MCF2: variants seen among roughly 807,000 people sequenced by gnomAD.
MCF2 encodes MCF.2 cell line derived transforming sequence.
MCF2 carries 44 observed loss-of-function variants against 82.5 expected under a neutral mutation model. The observed-to-expected ratio is 0.53, with a 90% CI of 0.42 to 0.69. The LOEUF is 0.69. Ranked by LOEUF, MCF2 falls within the 30% of genes least tolerant of loss-of-function variation. The pLI, the probability that MCF2 is intolerant of heterozygous loss-of-function variation, is 0.00. For missense variants in MCF2, 623 were observed against 663.1 expected, an observed-to-expected ratio of 0.94 and a Z score of 0.66; for synonymous variants, 217 against 224.9, an observed-to-expected ratio of 0.96 and a Z score of 0.32.
intron 1 of MCF2, among the ~76,000 whole-genome samples, chrX:139,663,533 T>C (rs1286647065): frequency 9.0e-6 from 1 of 110,658 alleles, no homozygotes; most frequent in Non-Finnish European, 1.9e-5. Context: ...TACATATTAT[T>C]TAATCACCCA....
intron 7 of MCF2, among the ~76,000 whole-genome samples, chrX:139,618,585 G>A (rs1269858156): frequency 9.0e-6 from 1 of 111,069 alleles, no homozygotes; most frequent in African/African-American, 3.3e-5. Flanking sequence ...CTATACCATA[G>A]GGCTATGTAA....
intron 1 of MCF2, among the ~76,000 whole-genome samples, chrX:139,685,098 C>A (rs369045563): frequency 1.8e-5 from 2 of 111,122 alleles, no homozygotes; most frequent in African/African-American, 3.3e-5. Flanking sequence ...TAGAATAAGA[C>A]AAGGATGTCC....
intron 15 of MCF2, among the ~76,000 whole-genome samples, 166 bp from the exon 20 acceptor site, chrX:139,602,664 T>A (rs917960369): frequency 8.9e-6 from 1 of 112,449 alleles, no homozygotes; most frequent in African/African-American, 3.2e-5. Flanking sequence ...AAGAACAGCA[T>A]GCCCATTGCA....
intron 1 of MCF2, among the ~76,000 whole-genome samples, chrX:139,694,549 G>T (rs1018745956): frequency 9.0e-6 from 1 of 111,429 alleles, no homozygotes; most frequent in Non-Finnish European, 1.9e-5. Flanking sequence ...GAAAACCCTT[G>T]CATCTAAGGT....
At chrX:139,671,911 G>T (rs183481135) in intron 1 of MCF2, among the ~76,000 whole-genome samples, 3 of 111,574 alleles carry the variant, frequency 2.7e-5, no homozygotes, top group African/African-American at 9.8e-5. Context: ...GGGCAGTATG[G>T]CCATTTTCGC....
chrX:139,611,931 A>G (rs1478013701), intron 10 of MCF2, among the ~76,000 whole-genome samples: 1 of 110,343 alleles, frequency 9.1e-6, no homozygotes, highest in Non-Finnish European at 1.9e-5. Context: ...CCAGAGAGAG[A>G]ACAGTGTGTG....
intron 24 of MCF2, among the ~76,000 whole-genome samples, chrX:139,584,062 TACTTTTTTAAAG>T (rs1170728142): frequency 9.1e-6 from 1 of 110,438 alleles, no homozygotes; most frequent in Non-Finnish European, 1.9e-5. Context: ...AAACAATATC[TACTTTTTTAAAG>T]ACTGCATTTC....
At chrX:139,691,478 C>T (rs1257385933) in intron 1 of MCF2, among the ~76,000 whole-genome samples, 2 of 111,997 alleles carry the variant, frequency 1.8e-5, no homozygotes, top group Non-Finnish European at 3.8e-5. Context: ...ACTCTATTCC[C>T]ACTTCTCCGG....
At chrX:139,642,417 A>T (rs1413287699) in intron 1 of MCF2, 1 of 1,209,261 alleles carries the variant, frequency 8.3e-7, no homozygotes, top group East Asian at 3.0e-5. Flanking sequence ...GCAGCATCCC[A>T]GCACTTGAAC....
chrX:139,617,559 C>T, exon 8 of MCF2: 5 of 1,197,516 alleles, frequency 4.2e-6, no homozygotes, highest in Non-Finnish European at 4.5e-6. Context: ...GAGTTGTATC[C>T]GTTTTGCTTT....
chrX:139,676,506 G>A (rs1351291465), intron 1 of MCF2, among the ~76,000 whole-genome samples: 1 of 111,856 alleles, frequency 8.9e-6, no homozygotes, highest in East Asian at 2.8e-4. Flanking sequence ...TCCTATAGAG[G>A]TCATATAGCA....
At chrX:139,586,525 A>G (rs1173282116) in intron 22 of MCF2, 38 bp from the exon 27 acceptor site, 1 of 961,677 alleles carries the variant, frequency 1.0e-6, no homozygotes, top group Non-Finnish European at 1.5e-6. Flanking sequence ...GAGCTTTTGT[A>G]CAGTTTACAA....
intron 1 of MCF2, among the ~76,000 whole-genome samples, chrX:139,690,338 G>GTTTTTTTTTTTTTT (rs145515088): frequency 1.3e-5 from 1 of 75,753 alleles, no homozygotes; most frequent in African/African-American, 4.9e-5. Context: ...CTCCAAAGGA[G>GTTTTTTTTTTTTTT]TTTTTTTTTT....
In MCF2 at chrX:139,701,534, C is replaced by T. The variant is rs939220008; in HGVS notation, c.-45+6572G>A. On this transcript the variant is annotated intron_variant, in intron 1 of 27. Transcript: ENST00000414978. Reference sequence around the variant, plus strand: ...CTGCCTCAAGTCTGAAGTGCCAACTCCTGCCTGAGAATTTCCAGCCTGCTG... The same window carrying T: ...CTGCCTCAAGTCTGAAGTGCCAACTTCTGCCTGAGAATTTCCAGCCTGCTG... Among the ~76,000 whole-genome samples the T allele has an allele frequency of 2.7e-5, 3 of 111,941 alleles. No individual in the cohort carries two copies. In the Admixed American group the frequency reaches 2.8e-4, roughly 11 times the overall value.
rs762202957 is a variant in MCF2 at position 139,626,176 on chromosome X, G to T, written c.687+17C>A. On this transcript the variant is annotated intron_variant, in intron 6 of 24. Coordinates refer to ENST00000370576, the Ensembl canonical transcript of MCF2. ...GGTGTAATGAAAAAAGGTATACAAA[G>T]AAATGTTTTAACTGACCTGTTGAAA... is the stretch of plus-strand genomic sequence containing the variant. 1.9e-6 allele frequency: 2 copies of T among 1,052,984 alleles called. No homozygotes were observed. The highest frequency in any genetic ancestry group is 2.6e-4 in the Middle Eastern group (1 of 3,875). The allele number at this position is 1,052,984 out of a possible 1,213,427, so 86.8% of individuals were successfully genotyped here.
exon 15 of MCF2, chrX:139,604,722 C>T: frequency 8.4e-7 from 1 of 1,197,397 alleles, no homozygotes; most frequent in East Asian, 3.0e-5. Flanking sequence ...GGAGCATGAG[C>T]ACAATTTTCC....
intron 1 of MCF2, among the ~76,000 whole-genome samples, chrX:139,676,926 T>C (rs779434767): frequency 9.0e-6 from 1 of 111,346 alleles, no homozygotes; most frequent in South Asian, 3.9e-4. Flanking sequence ...GATCAGGCAG[T>C]TATGAAACTG....
chrX:139,642,800 A>G (rs1374728113), exon 1 of MCF2: 1 of 994,677 alleles, frequency 1.0e-6, no homozygotes, highest in African/African-American at 2.0e-5. Context: ...AACCTTGTGG[A>G]TTAGCTTGTG....
intron 10 of MCF2, 32 bp from the exon 15 acceptor site, chrX:139,610,370 A>G: frequency 9.4e-6 from 10 of 1,059,444 alleles, no homozygotes; most frequent in Non-Finnish European, 1.3e-5. Context: ...AGAATTTCAA[A>G]CCAGAATTAA....
Sources: allele counts gnomAD v4.1 joint callset (sites outside exome capture counted in the v4.1 genomes callset), GRCh38; gene constraint gnomAD v4.1.1; transcripts MANE v1.5; gene names NCBI Gene and HGNC (gene_info 2026-07-23, HGNC 2026-07-21).